ADAMTSL1: variants seen among roughly 807,000 people sequenced by gnomAD.
The protein encoded by ADAMTSL1 is ADAMTS like 1, also known as ADAMTS-like protein 1.
A neutral mutation model predicts 201.8 loss-of-function variants in ADAMTSL1; 126 were observed. That is an observed-to-expected ratio of 0.62 (90% confidence interval 0.54 to 0.72). The LOEUF is 0.72. ADAMTSL1 is among the 30% of genes least tolerant of loss of function. The pLI is 0.00. For synonymous variants in ADAMTSL1, 1,121 were observed against 903.4 expected (o/e 1.24, Z -4.32); for missense variants, 2,679 against 2,277.8 (o/e 1.18, Z -3.59).
At chr9:18,725,821 A>G (rs1272934844) in intron 15 of ADAMTSL1, among the ~76,000 whole-genome samples, 2 of 152,242 alleles carry the variant, frequency 1.3e-5, no homozygotes, top group South Asian at 2.1e-4. Flanking sequence ...ATTTATATAC[A>G]TATAAGAAGA....
chr9:17,922,243 T>C (rs1482589501), intron 1 of ADAMTSL1, among the ~76,000 whole-genome samples: 1 of 151,970 alleles, frequency 6.6e-6, no homozygotes, highest in Admixed American at 6.6e-5. Flanking sequence ...GTGGGGTGAG[T>C]AGCGCACGTG....
At chr9:18,609,101 G>T (rs1446043906) in intron 4 of ADAMTSL1, among the ~76,000 whole-genome samples, 1 of 152,064 alleles carries the variant, frequency 6.6e-6, no homozygotes, top group Non-Finnish European at 1.5e-5. Flanking sequence ...CAGCACCTTA[G>T]GTTTTAGAAG....
intron 2 of ADAMTSL1, among the ~76,000 whole-genome samples, chr9:18,350,446 C>T (rs1156240260): frequency 2.0e-5 from 3 of 152,052 alleles, no homozygotes; most frequent in Non-Finnish European, 4.4e-5. Flanking sequence ...TAGCCTGTAC[C>T]CCAAGTTTGA....
At chr9:18,010,364 G>A (rs1215070411) in intron 1 of ADAMTSL1, among the ~76,000 whole-genome samples, 1 of 151,968 alleles carries the variant, frequency 6.6e-6, no homozygotes, top group Non-Finnish European at 1.5e-5. Context: ...TTTCAAATCT[G>A]GAGAGATTGT....
At chr9:18,694,136 A>G (rs1056133251) in intron 13 of ADAMTSL1, among the ~76,000 whole-genome samples, 3 of 152,172 alleles carry the variant, frequency 2.0e-5, no homozygotes, top group Admixed American at 6.5e-5. Flanking sequence ...CACCATCACG[A>G]GAACAGCAAG....
intron 1 of ADAMTSL1, among the ~76,000 whole-genome samples, chr9:18,038,914 C>T (rs1243134261): frequency 6.6e-6 from 1 of 152,158 alleles, no homozygotes; most frequent in Non-Finnish European, 1.5e-5. Context: ...CAGTAATTAC[C>T]AGTGACAAAG....
intron 2 of ADAMTSL1, among the ~76,000 whole-genome samples, chr9:18,347,389 T>C (rs1458507348): frequency 6.6e-6 from 1 of 151,104 alleles, no homozygotes; most frequent in East Asian, 2.0e-4. Context: ...ACCAAGATGA[T>C]GAATGACATA....
At chr9:18,578,783 A>G (rs952641655) in intron 4 of ADAMTSL1, among the ~76,000 whole-genome samples, 1 of 151,500 alleles carries the variant, frequency 6.6e-6, no homozygotes, top group African/African-American at 2.4e-5. Flanking sequence ...TTCTAGTTCT[A>G]GATCCCTGAG....
At chr9:18,870,035 A>G (rs1897726) in intron 23 of ADAMTSL1, among the ~76,000 whole-genome samples, 40,633 of 152,006 alleles carry the variant, frequency 0.27, 6,665 homozygotes, top group Non-Finnish European at 0.36. Flanking sequence ...AAGATTGTCT[A>G]GTAAATTTTT....
intron 21 of ADAMTSL1, among the ~76,000 whole-genome samples, chr9:18,824,460 G>A (rs924170217): frequency 2.6e-5 from 4 of 152,082 alleles, no homozygotes; most frequent in East Asian, 1.9e-4. Flanking sequence ...ACCCACTTTC[G>A]GTAGCCCTGC....
intron 13 of ADAMTSL1, among the ~76,000 whole-genome samples, chr9:18,693,748 T>G (rs1309293388): frequency 1.3e-5 from 2 of 152,190 alleles, no homozygotes; most frequent in African/African-American, 4.8e-5. Context: ...TCATAGAGAT[T>G]TGGTCAAGTG....
intron 2 of ADAMTSL1, among the ~76,000 whole-genome samples, chr9:18,428,788 C>T (rs1430626079): frequency 6.6e-6 from 1 of 152,136 alleles, no homozygotes; most frequent in Non-Finnish European, 1.5e-5. Flanking sequence ...TTTTGAATGC[C>T]TTCTTTCTTA....
chr9:18,479,854 A>T (rs748756954), intron 1 of ADAMTSL1, among the ~76,000 whole-genome samples: 1 of 152,246 alleles, frequency 6.6e-6, no homozygotes, highest in Non-Finnish European at 1.5e-5. Flanking sequence ...AAATGTCAGC[A>T]TTCATTTTAC....
At chr9:17,951,265 C>G (rs1035136165) in intron 1 of ADAMTSL1, among the ~76,000 whole-genome samples, 1 of 152,138 alleles carries the variant, frequency 6.6e-6, no homozygotes, top group Non-Finnish European at 1.5e-5. Flanking sequence ...ATATACTGTG[C>G]TGCTGTAGAC....
intron 1 of ADAMTSL1, among the ~76,000 whole-genome samples, chr9:17,954,015 A>C (rs950409746): frequency 2.0e-5 from 3 of 152,146 alleles, no homozygotes; most frequent in Non-Finnish European, 4.4e-5. Flanking sequence ...TGGCTTCTTC[A>C]TTCACGAGTC....
At chr9:18,570,785 C>T (rs1174537476) in intron 3 of ADAMTSL1, among the ~76,000 whole-genome samples, 1 of 152,124 alleles carries the variant, frequency 6.6e-6, no homozygotes, top group African/African-American at 2.4e-5. Flanking sequence ...TATATTTTCC[C>T]ACCCCTACAA....
chr9:17,944,423 C>T (rs140445133), intron 1 of ADAMTSL1, among the ~76,000 whole-genome samples: 2 of 152,150 alleles, frequency 1.3e-5, no homozygotes, highest in Non-Finnish European at 2.9e-5. Flanking sequence ...CCATCCCCAT[C>T]AAGCTACCAA....
chr9:18,309,061 A>T (rs920256786), intron 2 of ADAMTSL1, among the ~76,000 whole-genome samples: 8 of 152,212 alleles, frequency 5.3e-5, no homozygotes, highest in Non-Finnish European at 7.3e-5. Flanking sequence ...AATCCATCAC[A>T]TAAACAAAAC....
chr9:18,123,930 C>T (rs1825614218), intron 1 of ADAMTSL1, among the ~76,000 whole-genome samples: 1 of 152,106 alleles, frequency 6.6e-6, no homozygotes, highest in Non-Finnish European at 1.5e-5. Flanking sequence ...ATGAAGTTTC[C>T]AATTTGTCCA....
Sources: allele counts gnomAD v4.1 joint callset (sites outside exome capture counted in the v4.1 genomes callset), GRCh38; gene constraint gnomAD v4.1.1; transcripts MANE v1.5; gene names NCBI Gene and HGNC (gene_info 2026-07-23, HGNC 2026-07-21).